The following CACNA2D3 variants were observed in gnomAD, a reference collection of about 807,000 sequenced individuals.
CACNA2D3 encodes calcium voltage-gated channel auxiliary subunit alpha2delta 3, also known as voltage-dependent calcium channel subunit alpha-2/delta-3.
CACNA2D3 carries 60 observed loss-of-function variants against 160.6 expected under a neutral mutation model. That is an observed-to-expected ratio of 0.37 (90% CI 0.30 to 0.46). The LOEUF (loss-of-function observed/expected upper bound fraction) is 0.46, where lower values mean the gene tolerates loss of function less well. CACNA2D3 is among the 20% of genes least tolerant of loss of function. CACNA2D3 has a pLI of 1.00. For synonymous variants in CACNA2D3, 558 were observed against 492.9 expected, an observed-to-expected ratio of 1.13 and a Z score of -1.75; for missense variants, 1,205 against 1,365.0, an observed-to-expected ratio of 0.88 and a Z score of 1.85.
chr3:54,627,981 C>A, intron 10 of CACNA2D3, 105 bp downstream of exon 10: 1 of 775,872 alleles, frequency 1.3e-6, no homozygotes. Context: ...ACCTTTAATC[C>A]CAGCCCTTTG....
chr3:55,019,125 G>T (rs937162425), intron 35 of CACNA2D3, among the ~76,000 whole-genome samples: 140 of 120,962 alleles, frequency 1.2e-3, no homozygotes, highest in Non-Finnish European at 3.0e-4. Context: ...AATAAGTCTA[G>T]TCATGGGCTG....
At chr3:54,670,053 A>C (rs570212677) in intron 11 of CACNA2D3, among the ~76,000 whole-genome samples, 1 of 152,338 alleles carries the variant, frequency 6.6e-6, no homozygotes, top group East Asian at 1.9e-4. Context: ...TTTCCCCATC[A>C]TATAGCTGGG....
chr3:54,453,015 A>T (rs981952087), intron 4 of CACNA2D3, among the ~76,000 whole-genome samples: 1 of 149,788 alleles, frequency 6.7e-6, no homozygotes, highest in African/African-American at 2.5e-5. Flanking sequence ...TCTTTCTGAC[A>T]GGGTCCCTCT....
At chr3:54,223,429 C>T (rs1242564067) in intron 2 of CACNA2D3, among the ~76,000 whole-genome samples, 1 of 152,024 alleles carries the variant, frequency 6.6e-6, no homozygotes, top group Admixed American at 6.6e-5. Context: ...GATGGTACAC[C>T]TGTATAGGAA....
chr3:54,163,834 A>C (rs1700396738), intron 2 of CACNA2D3, among the ~76,000 whole-genome samples: 1 of 152,226 alleles, frequency 6.6e-6, no homozygotes, highest in Non-Finnish European at 1.5e-5. Flanking sequence ...CCAGCACACC[A>C]GGCATGATGT....
chr3:54,406,420 TAC>T (rs1297844415), intron 4 of CACNA2D3, among the ~76,000 whole-genome samples: 2 of 152,096 alleles, frequency 1.3e-5, no homozygotes, highest in Admixed American at 1.3e-4. Context: ...ATTGTGTATA[TAC>T]ACACACATTG....
At chr3:54,903,795 T>C (rs1047560761) in intron 27 of CACNA2D3, among the ~76,000 whole-genome samples, 2 of 152,254 alleles carry the variant, frequency 1.3e-5, no homozygotes, top group Non-Finnish European at 2.9e-5. Context: ...GATTTGCATT[T>C]ATCTAATGAT....
At chr3:54,885,693 G>GCTTCC (rs1349912553) in intron 23 of CACNA2D3, 107 bp downstream of exon 23, 37 of 740,716 alleles carry the variant, frequency 5.0e-5, no homozygotes, top group Non-Finnish European at 8.1e-5. Context: ...CTTTGGCAGA[G>GCTTCC]ATTATCAGTC....
chr3:54,250,028 A>G (rs762570356), intron 2 of CACNA2D3, among the ~76,000 whole-genome samples: 4 of 152,168 alleles, frequency 2.6e-5, no homozygotes, highest in African/African-American at 4.8e-5. Context: ...TCTCTGAATC[A>G]TTATGTGCTT....
Position 54,651,424 on chromosome 3 carries a change from A to AG in CACNA2D3, c.1167+9184dup, listed in dbSNP as rs1699761604. On this transcript the variant is annotated intron_variant, in intron 11 of 37. Coordinates refer to ENST00000474759, the MANE Select transcript of CACNA2D3 (RefSeq NM_018398.3). ...GTGCGTTTTATCTTCAGTTATCTCG[A>AG]GAAAAAAAAAAAAAAAAGCAAGGAT... Among the ~76,000 whole-genome samples the AG allele has an allele frequency of 5.1e-5, 4 of 78,148 alleles. No homozygotes were observed. The South Asian group carries it at 1.2e-3, about 23-fold the overall frequency. The allele number at this position is 78,148 out of a possible 152,430, so 51.3% of individuals were successfully genotyped here.
chr3:54,123,938 C>G (rs1420475889), intron 2 of CACNA2D3, among the ~76,000 whole-genome samples: 1 of 152,146 alleles, frequency 6.6e-6, no homozygotes, highest in African/African-American at 2.4e-5. Context: ...CTAACTTCAT[C>G]CAAGGGGCAG....
chr3:54,792,422 G>T (rs1702776324), intron 13 of CACNA2D3, among the ~76,000 whole-genome samples: 2 of 152,140 alleles, frequency 1.3e-5, no homozygotes, highest in South Asian at 4.1e-4. Flanking sequence ...CAGAATTCCA[G>T]GTTGGCCAGA....
intron 35 of CACNA2D3, among the ~76,000 whole-genome samples, chr3:55,040,727 G>A (rs942344430): frequency 6.6e-6 from 1 of 152,086 alleles, no homozygotes; most frequent in African/African-American, 2.4e-5. Context: ...GCTTTGTGGG[G>A]TTACTCCAAC....
chr3:54,749,676 T>A (rs999486469), intron 11 of CACNA2D3, among the ~76,000 whole-genome samples: 6 of 152,230 alleles, frequency 3.9e-5, no homozygotes, highest in African/African-American at 1.2e-4. Context: ...CTGTGAGAGA[T>A]GTAGGACGTG....
At chr3:54,588,371 A>C (rs1702800496) in intron 9 of CACNA2D3, among the ~76,000 whole-genome samples, 1 of 152,216 alleles carries the variant, frequency 6.6e-6, no homozygotes, top group Non-Finnish European at 1.5e-5. Flanking sequence ...CAAACTTAAC[A>C]GGGAAAGTTT....
chr3:54,703,772 G>A (rs1019793436), intron 11 of CACNA2D3, among the ~76,000 whole-genome samples: 3 of 152,074 alleles, frequency 2.0e-5, no homozygotes, highest in Non-Finnish European at 2.9e-5. Flanking sequence ...GCAAAATGTC[G>A]GCAAGCTCAC....
chr3:54,933,915 C>G (rs1342085648), intron 27 of CACNA2D3, among the ~76,000 whole-genome samples: 1 of 151,990 alleles, frequency 6.6e-6, no homozygotes, highest in Non-Finnish European at 1.5e-5. Context: ...ATTACAGGCA[C>G]ACACCACCAT....
intron 4 of CACNA2D3, among the ~76,000 whole-genome samples, chr3:54,435,912 T>C (rs1005991005): frequency 2.6e-5 from 4 of 152,068 alleles, no homozygotes; most frequent in Non-Finnish European, 4.4e-5. Context: ...GTGGAAATTA[T>C]AGAAATGAAA....
intron 2 of CACNA2D3, among the ~76,000 whole-genome samples, chr3:54,241,029 C>T (rs1174117176): frequency 6.6e-6 from 1 of 152,240 alleles, no homozygotes; most frequent in Non-Finnish European, 1.5e-5. Flanking sequence ...GCATGAGCCA[C>T]TGCACCTGGC....
Sources: allele counts gnomAD v4.1 joint callset (sites outside exome capture counted in the v4.1 genomes callset), GRCh38; gene constraint gnomAD v4.1.1; transcripts MANE v1.5; gene names NCBI Gene and HGNC (gene_info 2026-07-23, HGNC 2026-07-21).